The following ASIC2 variants were observed in gnomAD, a reference collection of about 807,000 sequenced individuals.
ASIC2 encodes acid-sensing ion channel 2.
ASIC2 carries 25 observed loss-of-function variants against 57.3 expected under a neutral mutation model. That is an observed-to-expected ratio of 0.44 (90% CI 0.32 to 0.61). The LOEUF is 0.61. Ranked by LOEUF, ASIC2 falls within the 20% of genes least tolerant of loss-of-function variation. The pLI, the probability that ASIC2 is intolerant of heterozygous loss-of-function variation, is 0.06. For synonymous variants in ASIC2, 319 were observed against 307.5 expected, an observed-to-expected ratio of 1.04 and a Z score of -0.39; for missense variants, 641 against 738.1, an observed-to-expected ratio of 0.87 and a Z score of 1.52.
chr17:33,755,974 T>A (rs1306318414), intron 1 of ASIC2, among the ~76,000 whole-genome samples: 1 of 152,206 alleles, frequency 6.6e-6, no homozygotes, highest in Non-Finnish European at 1.5e-5. Flanking sequence ...GTGGGCATCA[T>A]GACCGGGAAC....
At chr17:33,842,189 C>G (rs1913457871) in intron 1 of ASIC2, among the ~76,000 whole-genome samples, 1 of 152,208 alleles carries the variant, frequency 6.6e-6, no homozygotes, top group African/African-American at 2.4e-5. Context: ...ACTTAACACC[C>G]TCCCCTTAAT....
At chr17:33,462,968 T>C (rs1912691027) in intron 1 of ASIC2, among the ~76,000 whole-genome samples, 1 of 152,214 alleles carries the variant, frequency 6.6e-6, no homozygotes, top group Admixed American at 6.5e-5. Context: ...ACTTACTTCC[T>C]GCGGATCTCT....
In ASIC2 at chr17:33,776,793, C is replaced by T. The variant is rs540368149; in HGVS notation, c.555+379185G>A. ...GAGCACCTAGCTGGGCTTCGGGCTT[C>T]GTGATAGAATTTGAGTTTTCGGATA... On this transcript the variant is annotated intron_variant, in intron 1 of 9. Transcript: ENST00000359872. Among the ~76,000 whole-genome samples, 6 of 152,290 alleles carry T rather than the reference C, an allele frequency of 3.9e-5. No homozygotes were observed. The East Asian group carries it at 7.7e-4, about 20-fold the overall frequency.
chr17:33,622,684 C>T (rs549007113), intron 1 of ASIC2, among the ~76,000 whole-genome samples: 23 of 152,242 alleles, frequency 1.5e-4, no homozygotes, highest in African/African-American at 5.3e-4. Context: ...TAGGATAGTT[C>T]TAAGAATTAA....
At chr17:33,248,121 G>A (rs1222840244) in intron 1 of ASIC2, among the ~76,000 whole-genome samples, 1 of 152,146 alleles carries the variant, frequency 6.6e-6, no homozygotes, top group African/African-American at 2.4e-5. Context: ...CACTGAGAAG[G>A]TGAGATTGGA....
Position 33,960,322 on chromosome 17 carries a change from C to T in ASIC2, c.555+195656G>A, listed in dbSNP as rs141926054. 6.7e-3 allele frequency among the ~76,000 whole-genome samples: 1,027 copies of T among 152,288 alleles called. 7 individuals are homozygous for T. Among genetic ancestry groups the T allele is most frequent in the Non-Finnish European group, 8.3e-3 (562 of 68,022 alleles). ...ATTTGAGCCCCTAAATCTAGATCTG[C>T]CTGGATGCTTCAATCTTTGCACCAA... On this transcript the variant is annotated intron_variant, in intron 1 of 9. Transcript: ENST00000359872.
chr17:34,113,538 G>A (rs914100946), intron 1 of ASIC2, among the ~76,000 whole-genome samples: 4 of 151,436 alleles, frequency 2.6e-5, no homozygotes, highest in Non-Finnish European at 5.9e-5. Flanking sequence ...TACAGCCTAT[G>A]GCAACAGAAC....
intron 1 of ASIC2, among the ~76,000 whole-genome samples, chr17:33,382,487 T>C (rs924154922): frequency 1.3e-5 from 2 of 152,126 alleles, no homozygotes. Flanking sequence ...TCTCTTATGC[T>C]ACAAACACAA....
chr17:33,681,526 T>C (rs1597833430), intron 1 of ASIC2, among the ~76,000 whole-genome samples: 1 of 152,230 alleles, frequency 6.6e-6, no homozygotes, highest in Non-Finnish European at 1.5e-5. Flanking sequence ...AAAGAAACTC[T>C]GCAGGGCCCT....
intron 3 of ASIC2, among the ~76,000 whole-genome samples, chr17:33,081,063 A>G (rs527962053): frequency 1.1e-3 from 162 of 152,304 alleles, no homozygotes; most frequent in Non-Finnish European, 1.4e-3. Flanking sequence ...GAATAATTTT[A>G]TCTCCTCCTA....
At chr17:33,878,151 A>T (rs928807633) in intron 1 of ASIC2, among the ~76,000 whole-genome samples, 1 of 152,292 alleles carries the variant, frequency 6.6e-6, no homozygotes, top group African/African-American at 2.4e-5. Flanking sequence ...AACCACAAAG[A>T]TGGGGAAAAA....
At chr17:33,584,604 C>G (rs1365074469) in intron 1 of ASIC2, among the ~76,000 whole-genome samples, 1 of 152,084 alleles carries the variant, frequency 6.6e-6, no homozygotes, top group Non-Finnish European at 1.5e-5. Context: ...GTACCTGGAG[C>G]AGCCAACCAG....
intron 8 of ASIC2, among the ~76,000 whole-genome samples, chr17:33,016,327 G>C (rs3025250): frequency 6.6e-6 from 1 of 152,214 alleles, no homozygotes; most frequent in Non-Finnish European, 1.5e-5. Context: ...TTAGTAAGTG[G>C]TGTGTGCTGG....
intron 1 of ASIC2, among the ~76,000 whole-genome samples, chr17:34,095,456 G>A (rs1180232987): frequency 6.6e-6 from 1 of 151,824 alleles, no homozygotes; most frequent in East Asian, 1.9e-4. Flanking sequence ...TATTGTAAGT[G>A]GTTTGCACTC....
At chr17:33,505,766 A>G (rs1314512591) in intron 1 of ASIC2, among the ~76,000 whole-genome samples, 3 of 152,088 alleles carry the variant, frequency 2.0e-5, no homozygotes, top group Non-Finnish European at 4.4e-5. Context: ...GCACTTTCTC[A>G]TCTGTGAACT....
intron 9 of ASIC2, among the ~76,000 whole-genome samples, chr17:33,015,356 C>T (rs957135288): frequency 2.6e-5 from 4 of 152,118 alleles, no homozygotes; most frequent in South Asian, 2.1e-4. Flanking sequence ...GGGCTGCCCT[C>T]GGGCTATAGG....
intron 3 of ASIC2, among the ~76,000 whole-genome samples, chr17:33,061,475 C>T (rs1015410459): frequency 6.6e-5 from 10 of 152,078 alleles, no homozygotes; most frequent in East Asian, 1.9e-4. Context: ...TATTGATTTG[C>T]GTATGTTGAA....
At chr17:33,339,432 C>T (rs1421828425) in intron 1 of ASIC2, among the ~76,000 whole-genome samples, 1 of 152,184 alleles carries the variant, frequency 6.6e-6, no homozygotes, top group Non-Finnish European at 1.5e-5. Flanking sequence ...TCTAATAAAG[C>T]TTTATTTACA....
intron 2 of ASIC2, among the ~76,000 whole-genome samples, chr17:33,100,909 G>A (rs146222213): frequency 6.6e-5 from 10 of 152,218 alleles, no homozygotes; most frequent in South Asian, 2.1e-4. Context: ...TGTGCATTAC[G>A]CACATCTTTC....
Sources: gnomAD v4.1 joint callset for allele counts (sites outside exome capture counted in the v4.1 genomes callset) on GRCh38, gnomAD v4.1.1 for gene constraint, MANE v1.5 for transcripts, NCBI Gene and HGNC (gene_info 2026-07-23, HGNC 2026-07-21) for gene names.